The following SMG1 variants were observed in gnomAD, a reference collection of about 807,000 sequenced individuals.
SMG1 encodes SMG1 nonsense mediated mRNA decay associated PI3K related kinase, also known as serine/threonine-protein kinase SMG1.
A neutral mutation model predicts 419.9 loss-of-function variants in SMG1; 22 were observed. That is an observed-to-expected ratio of 0.05 (90% CI 0.04 to 0.07). SMG1 has a LOEUF of 0.07. SMG1 is among the 10% of genes least tolerant of loss of function. The probability of loss-of-function intolerance (pLI) is 1.00; values close to 1 mark genes in which losing one functional copy is unlikely to be tolerated. For missense variants in SMG1, 3,185 were observed against 4,342.0 expected (o/e 0.73, Z 7.49); for synonymous variants, 1,538 against 1,553.5 (o/e 0.99, Z 0.23).
chr16:18,877,307 G>C, intron 11 of SMG1, 75 bp from the exon 12 acceptor site: 3 of 1,105,914 alleles, frequency 2.7e-6, no homozygotes, highest in Non-Finnish European at 3.8e-6. Context: ...AATGCACACT[G>C]ATAAGTGAAA....
chr16:18,836,516 G>C lies in SMG1; in HGVS notation c.7621C>G (p.Gln2541Glu), dbSNP rs576560823. The C allele has an allele frequency of 8.1e-6, 13 of 1,613,618 alleles. No homozygotes were observed. The Admixed American group carries it at 1.2e-4, about 15-fold the overall frequency. The change falls in exon 47 of 63, where the codon CAA becomes GAA. Residue 2541 changes from glutamine (Q) to glutamate (E), a missense_variant. By Grantham distance (29) the Gln-to-Glu change is conservative (BLOSUM62 2). This residue lies in a region of SMG1 where 412 missense variants were observed against 546.6 expected (regional missense o/e 0.75). Coordinates refer to ENST00000446231, the MANE Select transcript of SMG1 (RefSeq NM_015092.5). ...ACAGCTCTTTGCTGAGTCTGTAGTT[G>C]GGTGTGCTCAGAATACCTAATCAGG... Reference protein sequence around the residue: ...TLQHRYSEHTQLQTQQRAVQE... With the variant: ...TLQHRYSEHTELQTQQRAVQE...
rs748034911 is a variant in SMG1 at position 18,849,982 on chromosome 16, C to T, written c.5428G>A (p.Gly1810Ser). ...AGELRQYLEHGLETTPTAPWR... is the reference protein window; with the variant it reads ...AGELRQYLEHSLETTPTAPWR... ...GGTGCAGTGGGTGTTGTCTCCAAGCCGTGCTCCAGATACTGCCGAAGCTCA... is the reference window on the plus strand; with the variant it reads ...GGTGCAGTGGGTGTTGTCTCCAAGCTGTGCTCCAGATACTGCCGAAGCTCA... Residue 1810 changes from glycine (G) to serine (S), a missense_variant, in exon 35 of 63, where the codon GGC becomes AGC. By Grantham distance (56) the Gly-to-Ser change is moderately conservative. Around this residue, in one of 27 missense-constraint regions of SMG1, gnomAD observed 493 missense variants for 552.9 expected, o/e 0.89. Coordinates refer to ENST00000446231, the MANE Select transcript of SMG1 (RefSeq NM_015092.5). The T allele has an allele frequency of 2.5e-6, 4 of 1,613,924 alleles. No homozygotes were observed. The highest frequency in any genetic ancestry group is 1.3e-5 in the African/African-American group (1 of 75,024).
intron 48 of SMG1, 142 bp downstream of exon 48, chr16:18,835,791 C>G: frequency 1.3e-6 from 1 of 772,736 alleles, no homozygotes; most frequent in Non-Finnish European, 2.0e-6. Flanking sequence ...CCCAGCTACT[C>G]TGGAGGCTGA....
chr16:18,914,665 CAAATA>C (rs890748026), intron 1 of SMG1, among the ~76,000 whole-genome samples: 6 of 152,102 alleles, frequency 3.9e-5, no homozygotes, highest in South Asian at 2.1e-4. Flanking sequence ...GCCTGGATGA[CAAATA>C]AAATAAAATA....
At chr16:18,887,127 G>A (rs894577437) in intron 6 of SMG1, among the ~76,000 whole-genome samples, 1 of 152,112 alleles carries the variant, frequency 6.6e-6, no homozygotes, top group African/African-American at 2.4e-5. Flanking sequence ...GGTAAATCTA[G>A]GTGAAGCATA....
intron 29 of SMG1, among the ~76,000 whole-genome samples, chr16:18,855,525 T>C (rs981336725): frequency 2.6e-5 from 4 of 152,196 alleles, no homozygotes; most frequent in African/African-American, 9.6e-5. Flanking sequence ...GAGTGCTTCC[T>C]CTAATGTCAG....
intron 25 of SMG1, chr16:18,861,067 C>G: frequency 3.2e-6 from 1 of 307,976 alleles, no homozygotes; most frequent in Non-Finnish European, 6.1e-6. Context: ...GCAGCCTGTT[C>G]TCTTCAGATC....
intron 18 of SMG1, among the ~76,000 whole-genome samples, chr16:18,870,241 A>G (rs766556332): frequency 2.0e-5 from 3 of 152,216 alleles, no homozygotes; most frequent in African/African-American, 7.2e-5. Flanking sequence ...TAAAAACCCA[A>G]TCATTATGCT....
intron 42 of SMG1, among the ~76,000 whole-genome samples, chr16:18,839,241 G>A (rs529523727): frequency 8.6e-5 from 13 of 150,958 alleles, no homozygotes; most frequent in African/African-American, 3.2e-4. Context: ...GTCTTTACGT[G>A]AGTAAATTGT....
rs866946087 is a variant in SMG1 at position 18,826,840 on chromosome 16, G to A, written c.9741+1191C>T. 3.7e-4 allele frequency among the ~76,000 whole-genome samples: 15 copies of A among 40,924 alleles called. 1 individual carries two copies. The highest frequency in any genetic ancestry group is 1.2e-3 in the African/African-American group (15 of 12,334). The allele number at this position is 40,924 out of a possible 152,430, so 26.8% of individuals were successfully genotyped here. On this transcript the variant is annotated intron_variant, in intron 55 of 62. Transcript: ENST00000446231. ...TACCTAAGCAAGCCTGGGCAATGGCGGGCGCCCCTCCCCCAGCCTCGTTGC... is the reference window on the plus strand; with the variant it reads ...TACCTAAGCAAGCCTGGGCAATGGCAGGCGCCCCTCCCCCAGCCTCGTTGC...
intron 13 of SMG1, among the ~76,000 whole-genome samples, chr16:18,873,145 ACT>A (rs966393808): frequency 3.3e-5 from 5 of 151,676 alleles, no homozygotes; most frequent in African/African-American, 1.2e-4. Context: ...CAAAGTTAAG[ACT>A]CTCTCTCTCA....
chr16:18,909,528 T>A (rs1187402336), intron 1 of SMG1, among the ~76,000 whole-genome samples: 1 of 151,912 alleles, frequency 6.6e-6, no homozygotes, highest in African/African-American at 2.4e-5. Flanking sequence ...AAAAAAATCA[T>A]CATCATCATC....
intron 1 of SMG1, among the ~76,000 whole-genome samples, chr16:18,912,920 G>T (rs953092333): frequency 6.6e-6 from 1 of 151,876 alleles, no homozygotes; most frequent in African/African-American, 2.4e-5. Flanking sequence ...TTTTCTTCAC[G>T]TTTATACAAC....
In SMG1 at chr16:18,817,460, A is replaced by C; in HGVS notation, c.9905T>G (p.Leu3302Arg). 1 of 1,574,352 alleles carries C rather than the reference A, an allele frequency of 6.4e-7. No homozygotes were observed. Among genetic ancestry groups the C allele is most frequent in the South Asian group, 1.2e-5 (1 of 86,202 alleles). ...ESQRASQVTF[L>R]CSNIIHFESL... ...TTCAAAATGAATGATATTGCTGCAG[A>C]GAAATGTGACCTGTAAAGACAGAAA... The change falls in exon 57 of 63, where the codon CTC becomes CGC. Residue 3302 changes from leucine (L) to arginine (R), a missense_variant. By Grantham distance (102) the Leu-to-Arg change is moderately radical (BLOSUM62 -2). Coordinates refer to ENST00000446231, the MANE Select transcript of SMG1 (RefSeq NM_015092.5).
chr16:18,899,340 T>C (rs533012927), intron 1 of SMG1, among the ~76,000 whole-genome samples: 1 of 152,182 alleles, frequency 6.6e-6, no homozygotes, highest in East Asian at 1.9e-4. Context: ...TGAGATTTTT[T>C]TCCCAAAAAA....
At chr16:18,817,196 T>A in intron 57 of SMG1, 95 bp downstream of exon 57, 4 of 1,095,422 alleles carry the variant, frequency 3.7e-6, no homozygotes, top group South Asian at 2.0e-5. Context: ...ATACAGTATA[T>A]GCTCAACGAA....
At chr16:18,827,976 T>C (rs1339581649) in intron 55 of SMG1, 55 bp downstream of exon 55, 15 of 1,554,182 alleles carry the variant, frequency 9.7e-6, no homozygotes, top group South Asian at 1.2e-5. Flanking sequence ...ACAATCATAG[T>C]ATTGGTTATT....
chr16:18,837,457 T>C lies in SMG1; in HGVS notation c.7414-14A>G, dbSNP rs943911382. 8 of 1,605,318 alleles carry C rather than the reference T, an allele frequency of 5.0e-6. No homozygotes were observed. The highest frequency in any genetic ancestry group is 6.0e-6 in the Non-Finnish European group (7 of 1,175,328). ...AAACCAGTTCACCTGTAAAAAGATA[T>C]TACGATTAAGAAGACTCTTACAGGG... On this transcript the variant is annotated splice_polypyrimidine_tract_variant and intron_variant, in intron 45 of 62. Coordinates refer to ENST00000446231, the MANE Select transcript of SMG1 (RefSeq NM_015092.5).
At chr16:18,894,725 T>G (rs1173331450) in intron 3 of SMG1, among the ~76,000 whole-genome samples, 3 of 144,870 alleles carry the variant, frequency 2.1e-5, no homozygotes, top group African/African-American at 7.7e-5. Flanking sequence ...CAAAAAGTAA[T>G]TACATCTGAC....
Sources: gnomAD v4.1 joint callset for allele counts (sites outside exome capture counted in the v4.1 genomes callset) on GRCh38, gnomAD v4.1.1 for gene constraint, gnomAD v4.1.1 regional missense constraint, MANE v1.5 for transcripts, NCBI Gene and HGNC (gene_info 2026-07-23, HGNC 2026-07-21) for gene names.